Variants in VPS13B observed in about 807,000 individuals in gnomAD.
VPS13B encodes intermembrane lipid transfer protein VPS13B.
In VPS13B, 285 loss-of-function variants were observed where a neutral mutation model predicts 426.4. The ratio of observed to expected loss-of-function variants is 0.67; its 90% confidence interval spans 0.61 to 0.74. The LOEUF (loss-of-function observed/expected upper bound fraction) is 0.74, where lower values mean the gene tolerates loss of function less well. VPS13B is among the 30% of genes least tolerant of loss of function. The probability of loss-of-function intolerance (pLI) is 0.00; values close to 1 mark genes in which losing one functional copy is unlikely to be tolerated. For missense variants in VPS13B, 4,537 were observed against 4,782.6 expected (o/e 0.95, Z 1.51); for synonymous variants, 1,676 against 1,676.4 (o/e 1.00, Z 0.01).
chr8:99,155,162 C>T (rs1262023314), intron 14 of VPS13B, among the ~76,000 whole-genome samples: 1 of 151,628 alleles, frequency 6.6e-6, no homozygotes, highest in Non-Finnish European at 1.5e-5. Flanking sequence ...ACCATTTGAA[C>T]ACTAACCAAA....
At chr8:99,056,108 G>C (rs1022157552) in intron 3 of VPS13B, among the ~76,000 whole-genome samples, 4 of 151,770 alleles carry the variant, frequency 2.6e-5, no homozygotes, top group African/African-American at 9.7e-5. Context: ...TGAGGGTGGA[G>C]TGCAGTGGTG....
chr8:99,673,228 G>A (rs1235551337), intron 35 of VPS13B, among the ~76,000 whole-genome samples: 1 of 152,034 alleles, frequency 6.6e-6, no homozygotes, highest in African/African-American at 2.4e-5. Flanking sequence ...TAAGTACTGA[G>A]TAGAATTCAG....
chr8:99,198,844 T>C (rs1563597664), intron 17 of VPS13B, among the ~76,000 whole-genome samples: 3 of 151,672 alleles, frequency 2.0e-5, no homozygotes, highest in Admixed American at 1.3e-4. Flanking sequence ...TTGTCTTTTT[T>C]CCCCCCGAGA....
intron 23 of VPS13B, among the ~76,000 whole-genome samples, chr8:99,459,840 C>G (rs908432114): frequency 1.3e-5 from 2 of 151,896 alleles, no homozygotes; most frequent in African/African-American, 4.8e-5. Context: ...AAAGTTGACC[C>G]TGTTTATTAT....
intron 17 of VPS13B, among the ~76,000 whole-genome samples, chr8:99,219,856 T>C (rs1815605792): frequency 1.3e-5 from 2 of 152,198 alleles, no homozygotes; most frequent in Admixed American, 1.3e-4. Flanking sequence ...TGCCACTTTT[T>C]CATGTAAATT....
At chr8:99,782,262 C>T (rs562300406) in intron 42 of VPS13B, among the ~76,000 whole-genome samples, 21 of 152,030 alleles carry the variant, frequency 1.4e-4, no homozygotes, top group Admixed American at 8.5e-4. Flanking sequence ...CCAAAGTTTT[C>T]GTTTGTTTAT....
At chr8:99,079,650 C>G (rs1845339058) in intron 3 of VPS13B, among the ~76,000 whole-genome samples, 1 of 151,890 alleles carries the variant, frequency 6.6e-6, no homozygotes, top group Non-Finnish European at 1.5e-5. Flanking sequence ...TGATTTTCCC[C>G]TTAATATAAA....
chr8:99,733,092 TA>T (rs1406498792), intron 39 of VPS13B, among the ~76,000 whole-genome samples: 4 of 152,190 alleles, frequency 2.6e-5, no homozygotes, highest in Non-Finnish European at 5.9e-5. Flanking sequence ...GTTTGGGGTG[TA>T]AAAAATGAAA....
At chr8:99,638,533 G>C (rs568628724) in intron 33 of VPS13B, among the ~76,000 whole-genome samples, 2 of 152,232 alleles carry the variant, frequency 1.3e-5, no homozygotes, top group East Asian at 1.9e-4. Context: ...CACCTGGAAG[G>C]GTTGCTGAAG....
intron 2 of VPS13B, among the ~76,000 whole-genome samples, chr8:99,021,772 C>T (rs1391037812): frequency 6.6e-6 from 1 of 152,114 alleles, no homozygotes; most frequent in African/African-American, 2.4e-5. Context: ...GCCACCATGC[C>T]CGAATAATTT....
At chr8:99,484,849 C>CAAAAA (rs34547055) in intron 25 of VPS13B, among the ~76,000 whole-genome samples, 2 of 113,842 alleles carry the variant, frequency 1.8e-5, no homozygotes, top group Non-Finnish European at 3.9e-5. Context: ...TGTCCTGTCT[C>CAAAAA]AAAAAAAAAA....
intron 43 of VPS13B, among the ~76,000 whole-genome samples, chr8:99,787,561 GAAC>G (rs1407910351): frequency 1.3e-5 from 2 of 152,158 alleles, no homozygotes; most frequent in African/African-American, 2.4e-5. Context: ...GGTTGGATGA[GAAC>G]AATAACCAGC....
intron 17 of VPS13B, among the ~76,000 whole-genome samples, chr8:99,194,934 C>T (rs916163322): frequency 6.6e-6 from 1 of 152,106 alleles, no homozygotes; most frequent in African/African-American, 2.4e-5. Flanking sequence ...CAACCTCCGC[C>T]TCCCAGGTAC....
intron 22 of VPS13B, among the ~76,000 whole-genome samples, chr8:99,441,176 C>G (rs1461707319): frequency 2.6e-5 from 4 of 151,928 alleles, no homozygotes; most frequent in Non-Finnish European, 2.9e-5. Flanking sequence ...AAAATTTTAC[C>G]TGTATTTTTC....
At chr8:99,410,970 G>A (rs769513720) in intron 21 of VPS13B, among the ~76,000 whole-genome samples, 1 of 152,112 alleles carries the variant, frequency 6.6e-6, no homozygotes, top group Non-Finnish European at 1.5e-5. Context: ...TCATTGATGG[G>A]CGTTTGGGTT....
chr8:99,484,796 T>C (rs565564003), intron 25 of VPS13B, among the ~76,000 whole-genome samples: 1 of 151,802 alleles, frequency 6.6e-6, no homozygotes, highest in East Asian at 1.9e-4. Context: ...TGCCTTAAAA[T>C]TGATCATCAT....
At position 99,170,076 on chromosome 8, in the gene VPS13B, G is replaced by A. The variant is rs545405445; in HGVS notation, c.2246G>A (p.Cys749Tyr). The change falls in exon 16 of 62, where the codon TGC (cysteine) becomes TAC (tyrosine). Residue 749 changes from cysteine to tyrosine, a missense_variant. By Grantham distance (194) the Cys-to-Tyr change is radical (BLOSUM62 -2). Coordinates refer to ENST00000357162, the MANE Select transcript of VPS13B (RefSeq NM_152564.5). The part of the protein sequence containing the change: ...GFQAGLTSLD[C>Y]SGSYCLPVPV... ...CAGGCAGGACTGACGTCTTTGGATT[G>A]CAGTGGATCTTACTGCTTACCTGTA... is the stretch of plus-strand genomic sequence containing the variant. 1 of 1,612,858 alleles carries A rather than the reference G, an allele frequency of 6.2e-7. No individual in the cohort carries two copies. The highest frequency in any genetic ancestry group is 1.7e-5 in the Admixed American group (1 of 59,988).
intron 54 of VPS13B, among the ~76,000 whole-genome samples, chr8:99,843,558 G>C (rs574336305): frequency 6.6e-6 from 1 of 152,272 alleles, no homozygotes; most frequent in East Asian, 1.9e-4. Flanking sequence ...CTGTTTTATA[G>C]GACAGGGTAA....
intron 17 of VPS13B, among the ~76,000 whole-genome samples, chr8:99,263,829 G>T (rs979171003): frequency 6.6e-6 from 1 of 151,964 alleles, no homozygotes; most frequent in Non-Finnish European, 1.5e-5. Context: ...GAACATCTTT[G>T]GGGGGGACCA....
Sources: gnomAD v4.1 joint callset for allele counts (sites outside exome capture counted in the v4.1 genomes callset) on GRCh38, gnomAD v4.1.1 for gene constraint, MANE v1.5 for transcripts, NCBI Gene and HGNC (gene_info 2026-07-23, HGNC 2026-07-21) for gene names.